Variants in IL1RAPL1 observed in about 807,000 individuals in gnomAD.
IL1RAPL1 encodes the protein interleukin-1 receptor accessory protein-like 1.
Under a neutral mutation model 48.4 loss-of-function variants are expected in IL1RAPL1, and 3 were observed. The observed-to-expected ratio is 0.06, with a 90% confidence interval of 0.03 to 0.16. IL1RAPL1 has a LOEUF of 0.16. IL1RAPL1 is among the 10% of genes least tolerant of loss of function. The pLI, the probability that IL1RAPL1 is intolerant of heterozygous loss-of-function variation, is 1.00. For missense variants in IL1RAPL1, 349 were observed against 530.6 expected, an observed-to-expected ratio of 0.66 and a Z score of 3.36; for synonymous variants, 185 against 187.7, an observed-to-expected ratio of 0.99 and a Z score of 0.12.
At chrX:28,801,322 T>C (rs975513682) in intron 2 of IL1RAPL1, among the ~76,000 whole-genome samples, 3 of 111,665 alleles carry the variant, frequency 2.7e-5, no homozygotes, top group African/African-American at 9.8e-5. Flanking sequence ...ATAGATAAAA[T>C]TTTTTCCAAT....
chrX:29,435,425 A>T (rs751295917), intron 5 of IL1RAPL1, among the ~76,000 whole-genome samples: 1 of 111,007 alleles, frequency 9.0e-6, no homozygotes, highest in Non-Finnish European at 1.9e-5. Context: ...TACAATCCGT[A>T]TGTTTGTAGT....
intron 1 of IL1RAPL1, among the ~76,000 whole-genome samples, chrX:28,723,452 T>C (rs1038912846): frequency 1.8e-5 from 2 of 111,612 alleles, no homozygotes; most frequent in African/African-American, 6.5e-5. Context: ...CCCTTTATCA[T>C]TTTTTATTGC....
At chrX:29,136,855 A>G (rs1270925233) in intron 2 of IL1RAPL1, among the ~76,000 whole-genome samples, 1 of 111,959 alleles carries the variant, frequency 8.9e-6, no homozygotes, top group Non-Finnish European at 1.9e-5. Flanking sequence ...GAGAAGTGTT[A>G]TTATGAGAAA....
In IL1RAPL1 at chrX:29,837,824, T is replaced by A. The variant is rs187868555; in HGVS notation, c.779-79640T>A. ...AGCGTCATCTCGTGTTATTTATTTA[T>A]TTATATTATTTTTGCAAATTGAGTG... On this transcript the variant is annotated intron_variant, in intron 6 of 10. Coordinates refer to ENST00000378993, the MANE Select transcript of IL1RAPL1 (RefSeq NM_014271.4). Among the ~76,000 whole-genome samples the A allele has an allele frequency of 3.6e-5, 4 of 112,175 alleles. No homozygotes were observed. In the East Asian group the frequency reaches 1.1e-3, roughly 31 times the overall value.
At chrX:29,498,874 T>C (rs1046950159) in intron 5 of IL1RAPL1, among the ~76,000 whole-genome samples, 1 of 111,954 alleles carries the variant, frequency 8.9e-6, no homozygotes, top group African/African-American at 3.2e-5. Context: ...CCAACTGTTT[T>C]TGAGAAAACT....
At chrX:28,634,046 C>T (rs1341270065) in intron 1 of IL1RAPL1, among the ~76,000 whole-genome samples, 1 of 110,015 alleles carries the variant, frequency 9.1e-6, no homozygotes, top group Non-Finnish European at 1.9e-5. Flanking sequence ...CATTCTGTCT[C>T]CCTGGCTGGA....
intron 2 of IL1RAPL1, among the ~76,000 whole-genome samples, chrX:29,184,818 T>C (rs952672051): frequency 2.7e-5 from 3 of 112,428 alleles, no homozygotes; most frequent in African/African-American, 9.7e-5. Context: ...GTATTCTTCA[T>C]TGAGACTGTG....
At chrX:29,707,219 A>G (rs1927221386) in intron 6 of IL1RAPL1, among the ~76,000 whole-genome samples, 1 of 111,845 alleles carries the variant, frequency 8.9e-6, no homozygotes, top group Non-Finnish European at 1.9e-5. Context: ...GGGAAATGCA[A>G]ATTAAAACCA....
At chrX:28,721,809 A>C (rs1159385215) in intron 1 of IL1RAPL1, among the ~76,000 whole-genome samples, 8 of 111,102 alleles carry the variant, frequency 7.2e-5, no homozygotes, top group African/African-American at 2.3e-4. Flanking sequence ...AGCTTTCTAC[A>C]TATGGCTAGC....
intron 3 of IL1RAPL1, among the ~76,000 whole-genome samples, chrX:29,310,817 G>A (rs750125247): frequency 7.1e-5 from 8 of 112,075 alleles, no homozygotes; most frequent in African/African-American, 2.3e-4. Flanking sequence ...ATTTATTTCT[G>A]TATTGCCAGG....
chrX:29,922,904 C>A (rs914600070), intron 8 of IL1RAPL1, among the ~76,000 whole-genome samples: 4 of 111,944 alleles, frequency 3.6e-5, no homozygotes, highest in Admixed American at 9.5e-5. Flanking sequence ...CCTTTTAAAA[C>A]CTCCCTAGAG....
At chrX:29,871,016 G>A (rs1448010407) in intron 6 of IL1RAPL1, among the ~76,000 whole-genome samples, 1 of 112,271 alleles carries the variant, frequency 8.9e-6, no homozygotes, top group East Asian at 2.8e-4. Flanking sequence ...AACTCAACAG[G>A]GCTGAATTCC....
intron 6 of IL1RAPL1, among the ~76,000 whole-genome samples, chrX:29,734,724 G>T: frequency 8.9e-6 from 1 of 111,895 alleles, no homozygotes; most frequent in Admixed American, 9.5e-5. Flanking sequence ...GCAAGATCAG[G>T]GGAAGCTACC....
intron 5 of IL1RAPL1, among the ~76,000 whole-genome samples, chrX:29,560,378 G>A (rs989419636): frequency 4.5e-5 from 5 of 111,513 alleles, no homozygotes; most frequent in African/African-American, 1.3e-4. Flanking sequence ...TTTTGTATTT[G>A]TGTACTTTTG....
chrX:29,444,799 C>T (rs1469150317), intron 5 of IL1RAPL1, among the ~76,000 whole-genome samples: 1 of 111,990 alleles, frequency 8.9e-6, no homozygotes, highest in Admixed American at 9.5e-5. Context: ...CTACCATCCA[C>T]AGTCAGTCCT....
intron 2 of IL1RAPL1, 133 bp downstream of exon 2, chrX:28,789,558 G>C (rs1936511767): frequency 3.9e-6 from 2 of 506,566 alleles, no homozygotes; most frequent in Admixed American, 5.6e-5. Context: ...TAGATATTAT[G>C]AGTAAATAGG....
intron 3 of IL1RAPL1, among the ~76,000 whole-genome samples, chrX:29,346,989 G>A (rs897474389): frequency 8.0e-5 from 9 of 111,887 alleles, no homozygotes; most frequent in African/African-American, 2.9e-4. Flanking sequence ...CAGAGCATCA[G>A]TGATAAATAA....
chrX:29,750,477 T>C (rs1928431621), intron 6 of IL1RAPL1, among the ~76,000 whole-genome samples: 1 of 111,556 alleles, frequency 9.0e-6, no homozygotes, highest in South Asian at 3.7e-4. Context: ...AAAAAAATCA[T>C]TTTTAGTCAT....
intron 3 of IL1RAPL1, among the ~76,000 whole-genome samples, chrX:29,377,536 C>T (rs907694013): frequency 8.0e-5 from 9 of 112,222 alleles, no homozygotes; most frequent in African/African-American, 2.6e-4. Context: ...TTAAGGACCT[C>T]TTATGAGGCT....
Sources: gnomAD v4.1 joint callset for allele counts (sites outside exome capture counted in the v4.1 genomes callset) on GRCh38, gnomAD v4.1.1 for gene constraint, MANE v1.5 for transcripts, NCBI Gene and HGNC (gene_info 2026-07-23, HGNC 2026-07-21) for gene names.